KCNMA1: variants seen among roughly 807,000 people sequenced by gnomAD.
KCNMA1 encodes the protein Calcium-activated potassium channel subunit alpha-1.
A neutral mutation model predicts 140.0 loss-of-function variants in KCNMA1; 29 were observed. The ratio of observed to expected loss-of-function variants is 0.21; its 90% confidence interval spans 0.15 to 0.28. The LOEUF (loss-of-function observed/expected upper bound fraction) is 0.28, where lower values mean the gene tolerates loss of function less well. Ranked by LOEUF, KCNMA1 falls within the 10% of genes least tolerant of loss-of-function variation. The probability of loss-of-function intolerance (pLI) is 1.00; values close to 1 mark genes in which losing one functional copy is unlikely to be tolerated. For missense variants in KCNMA1, 880 were observed against 1,602.2 expected, an observed-to-expected ratio of 0.55 and a Z score of 7.70; for synonymous variants, 612 against 611.9, an observed-to-expected ratio of 1.00 and a Z score of 0.00.
intron 2 of KCNMA1, among the ~76,000 whole-genome samples, chr10:77,379,265 A>T (rs1422077343): frequency 1.3e-5 from 2 of 152,296 alleles, no homozygotes; most frequent in African/African-American, 2.4e-5. Flanking sequence ...TTTCTAATAC[A>T]AATAAAGTAA....
intron 1 of KCNMA1, among the ~76,000 whole-genome samples, chr10:77,425,110 T>C (rs2096952897): frequency 1.1e-5 from 1 of 89,574 alleles, no homozygotes; most frequent in African/African-American, 6.1e-5. Flanking sequence ...GATGGATGAG[T>C]GGATGGATGG....
intron 18 of KCNMA1, among the ~76,000 whole-genome samples, chr10:77,009,870 G>A (rs2090279656): frequency 6.6e-6 from 1 of 152,112 alleles, no homozygotes; most frequent in Non-Finnish European, 1.5e-5. Context: ...CCCTCAGGCA[G>A]TCTCTTCTCT....
chr10:76,928,332 G>T (rs961795145), intron 23 of KCNMA1, among the ~76,000 whole-genome samples: 1 of 150,450 alleles, frequency 6.6e-6, no homozygotes. Context: ...CACATATTTA[G>T]ACCTAAAGAG....
chr10:77,630,481 C>T (rs1161117438), intron 1 of KCNMA1, among the ~76,000 whole-genome samples: 1 of 152,162 alleles, frequency 6.6e-6, no homozygotes, highest in East Asian at 1.9e-4. Context: ...CCTGGACCAT[C>T]AGTTTTCGCA....
chr10:76,873,283 A>T (rs1316473511), downstream of KCNMA1: 1 of 152,184 alleles, frequency 6.6e-6, no homozygotes, highest in East Asian at 1.9e-4. Flanking sequence ...ATCAGAAGAG[A>T]CTCCACTTAA....
chr10:76,935,274 G>A (rs949376875), intron 23 of KCNMA1, among the ~76,000 whole-genome samples: 3 of 152,226 alleles, frequency 2.0e-5, no homozygotes, highest in Admixed American at 1.3e-4. Context: ...AGTGAGGCTG[G>A]CACACCTTGA....
intron 1 of KCNMA1, among the ~76,000 whole-genome samples, chr10:77,552,267 C>T (rs1358260420): frequency 6.6e-6 from 1 of 152,144 alleles, no homozygotes; most frequent in African/African-American, 2.4e-5. Context: ...CAACTCAGTG[C>T]CTGGATTAAA....
At chr10:77,310,399 C>A (rs1463863240) in intron 2 of KCNMA1, among the ~76,000 whole-genome samples, 3 of 152,176 alleles carry the variant, frequency 2.0e-5, no homozygotes, top group Admixed American at 6.5e-5. Context: ...CAGCCCAAAG[C>A]CACACCACAC....
At chr10:77,172,162 A>G (rs2098713988) in intron 5 of KCNMA1, among the ~76,000 whole-genome samples, 3 of 152,148 alleles carry the variant, frequency 2.0e-5, no homozygotes, top group Admixed American at 2.0e-4. Flanking sequence ...CAAGGCATCT[A>G]TTTTTTGAAG....
At chr10:77,098,217 C>T (rs16934250) in intron 9 of KCNMA1, among the ~76,000 whole-genome samples, 21,033 of 152,110 alleles carry the variant, frequency 0.14, 1,858 homozygotes, top group East Asian at 0.35. Context: ...AACTCAGTGC[C>T]GGGGACATTG....
Position 77,073,242 on chromosome 10 carries a change from A to G in KCNMA1, c.1604T>C (p.Leu535Pro), listed in dbSNP as rs2096272164. 6.2e-7 allele frequency: 1 copy of G among 1,614,062 alleles called. No homozygotes were observed. The highest frequency in any genetic ancestry group is 1.3e-5 in the African/African-American group (1 of 74,934). Reference sequence around the variant, plus strand: ...TTTCCAATTCCAGCTCGGGATGTTTAGCAGATGGGCCTGGGGAAAGAAAAG... The same window carrying G: ...TTTCCAATTCCAGCTCGGGATGTTTGGCAGATGGGCCTGGGGAAAGAAAAG... The part of the protein sequence containing the change: ...MLQYHNKAHL[L>P]NIPSWNWKEG... The change falls in exon 14 of 28, where the codon CTA becomes CCA. Residue 535 changes from leucine to proline, a missense_variant. Coordinates refer to ENST00000286628, the MANE Select transcript of KCNMA1 (RefSeq NM_001161352.2).
chr10:77,027,035 G>A (rs1046539036), intron 16 of KCNMA1, among the ~76,000 whole-genome samples: 4 of 152,138 alleles, frequency 2.6e-5, no homozygotes. Context: ...ACAAAAGCTT[G>A]AGCATTTCTC....
At chr10:77,326,346 C>T (rs575008810) in intron 2 of KCNMA1, among the ~76,000 whole-genome samples, 7 of 152,282 alleles carry the variant, frequency 4.6e-5, no homozygotes, top group East Asian at 1.9e-4. Flanking sequence ...AACTTCATAA[C>T]GGTAGGCTTT....
At chr10:77,367,055 G>C (rs1001585755) in intron 2 of KCNMA1, among the ~76,000 whole-genome samples, 8 of 152,208 alleles carry the variant, frequency 5.3e-5, no homozygotes, top group Admixed American at 4.6e-4. Flanking sequence ...AAGAACATGA[G>C]AGCAAAATAG....
rs1346759338 is a variant in KCNMA1 at position 76,913,894 on chromosome 10, C to G, written c.3016+1042G>C. 8 of 609,432 alleles carry G rather than the reference C, an allele frequency of 1.3e-5. No homozygotes were observed. The South Asian group carries it at 1.7e-4, about 13-fold the overall frequency. The allele number at this position is 609,432 out of a possible 1,614,324, so 37.8% of individuals were successfully genotyped here. On this transcript the variant is annotated intron_variant, in intron 24 of 27. Transcript: ENST00000286628. ...ATCATTAAGAAAGGCCAGAACAAGA[C>G]AGTCGATTCCAACCAGAGCCACAAA...
intron 2 of KCNMA1, among the ~76,000 whole-genome samples, chr10:77,368,288 C>T (rs546696143): frequency 2.4e-4 from 36 of 152,268 alleles, no homozygotes; most frequent in Admixed American, 3.3e-4. Flanking sequence ...TCCCTAATGG[C>T]TAAAGATGCT....
At chr10:77,373,092 G>T (rs2094851386) in intron 2 of KCNMA1, 1 of 152,172 alleles carries the variant, frequency 6.6e-6, no homozygotes, top group African/African-American at 2.4e-5. Context: ...TTTATTAATT[G>T]ACTCCCGTGT....
intron 1 of KCNMA1, among the ~76,000 whole-genome samples, chr10:77,585,610 A>T (rs1272585921): frequency 1.3e-5 from 2 of 152,126 alleles, no homozygotes; most frequent in African/African-American, 4.8e-5. Flanking sequence ...TCACCTCTTC[A>T]ACATTGTTTG....
chr10:77,446,938 A>G (rs1213125767), intron 1 of KCNMA1, among the ~76,000 whole-genome samples: 3 of 152,206 alleles, frequency 2.0e-5, no homozygotes, highest in Non-Finnish European at 4.4e-5. Context: ...TCTGCCTACC[A>G]AAGCCCCACT....
Sources: allele counts gnomAD v4.1 joint callset (sites outside exome capture counted in the v4.1 genomes callset), GRCh38; gene constraint gnomAD v4.1.1; transcripts MANE v1.5; gene names NCBI Gene and HGNC (gene_info 2026-07-23, HGNC 2026-07-21).